The following CFAP206 variants were observed in gnomAD, a reference collection of about 807,000 sequenced individuals.
CFAP206 encodes the protein cilia and flagella associated protein 206, also known as cilia- and flagella-associated protein 206.
CFAP206 carries 53 observed loss-of-function variants against 65.4 expected under a neutral mutation model. That is an observed-to-expected ratio of 0.81 (90% CI 0.65 to 1.02). The LOEUF is 1.02. CFAP206 is among the 50% of genes least tolerant of loss of function. The pLI, the probability that CFAP206 is intolerant of heterozygous loss-of-function variation, is 0.00. For synonymous variants in CFAP206, 250 were observed against 254.4 expected, an observed-to-expected ratio of 0.98 and a Z score of 0.17; for missense variants, 663 against 753.2, an observed-to-expected ratio of 0.88 and a Z score of 1.40.
rs1767832283 is a variant in CFAP206 at position 87,416,543 on chromosome 6, GTAATT to G, written c.473-122_473-118del. The G allele has an allele frequency of 1.2e-5, 9 of 770,352 alleles. No individual in the cohort carries two copies. The East Asian group carries it at 2.4e-4, about 21-fold the overall frequency. The allele number at this position is 770,352 out of a possible 1,614,324, so 47.7% of individuals were successfully genotyped here. A position where few individuals can be genotyped will look rare whatever the true frequency, so the allele number is the denominator to read the frequency against. Reference sequence around the variant, plus strand: ...TTATGTATCCTATAATCAGGTATCAGTAATTTAAAGAATCATATAAGTAACTCAGA... The same window carrying G: ...TTATGTATCCTATAATCAGGTATCAGTAAAGAATCATATAAGTAACTCAGA... On this transcript the variant is annotated intron_variant, in intron 5 of 12. Coordinates refer to ENST00000369562, the MANE Select transcript of CFAP206 (RefSeq NM_001031743.3).
chr6:87,422,665 C>T (rs1392271616), intron 7 of CFAP206, among the ~76,000 whole-genome samples: 1 of 151,094 alleles, frequency 6.6e-6, no homozygotes, highest in South Asian at 2.1e-4. Context: ...GCAGGAGAAT[C>T]GCTTGAACGC....
chr6:87,448,518 A>G (rs747601745), intron 11 of CFAP206, among the ~76,000 whole-genome samples: 2 of 152,150 alleles, frequency 1.3e-5, no homozygotes, highest in Non-Finnish European at 2.9e-5. Context: ...AACATTCAGA[A>G]TCCTCTCCTC....
chr6:87,461,893 G>T (rs1299117192), intron 12 of CFAP206, among the ~76,000 whole-genome samples: 1 of 152,180 alleles, frequency 6.6e-6, no homozygotes, highest in Non-Finnish European at 1.5e-5. Context: ...CTCAAAGCAT[G>T]CAGGGGAGTG....
intron 3 of CFAP206, among the ~76,000 whole-genome samples, chr6:87,412,974 A>G (rs1255167881): frequency 2.0e-5 from 3 of 152,194 alleles, no homozygotes; most frequent in Non-Finnish European, 4.4e-5. Flanking sequence ...AGCTTTTTAT[A>G]AAATAAAATG....
Position 87,461,129 on chromosome 6 carries a change from G to T in CFAP206, c.1602G>T (p.Trp534Cys). Residue 534 changes from tryptophan (W) to cysteine (C), a missense_variant, in exon 12 of 13, where the codon TGG (tryptophan) becomes TGT (cysteine). Trp to Cys is a radical substitution (Grantham distance 215). Coordinates refer to ENST00000369562, the MANE Select transcript of CFAP206 (RefSeq NM_001031743.3). ...LPPTIVRSYEWNEWELRRKAI... is the reference protein window; with the variant it reads ...LPPTIVRSYECNEWELRRKAI... ...CAACGATTGTGAGATCATATGAGTGGAATGAATGGGAATTAAGAAGAAAAG... is the reference window on the plus strand; with the variant it reads ...CAACGATTGTGAGATCATATGAGTGTAATGAATGGGAATTAAGAAGAAAAG... 1 of 1,572,688 alleles carries T rather than the reference G, an allele frequency of 6.4e-7. No homozygotes were observed. Among genetic ancestry groups the T allele is most frequent in the South Asian group, 1.2e-5 (1 of 82,982 alleles).
chr6:87,409,053 A>G (rs1436758257), intron 1 of CFAP206, among the ~76,000 whole-genome samples: 1 of 152,168 alleles, frequency 6.6e-6, no homozygotes, highest in African/African-American at 2.4e-5. Flanking sequence ...ACTCTATTTT[A>G]GATGTGCGGA....
chr6:87,439,084 C>T (rs1768324509), intron 11 of CFAP206, among the ~76,000 whole-genome samples: 1 of 152,088 alleles, frequency 6.6e-6, no homozygotes. Context: ...ATGTAAGTTT[C>T]TTAATGAATT....
chr6:87,414,745 G>T (rs1767794958), intron 4 of CFAP206, among the ~76,000 whole-genome samples: 1 of 152,130 alleles, frequency 6.6e-6, no homozygotes, highest in African/African-American at 2.4e-5. Context: ...CTACTGTATA[G>T]TACAATCATT....
intron 11 of CFAP206, among the ~76,000 whole-genome samples, chr6:87,451,850 C>A (rs966939489): frequency 6.8e-6 from 1 of 148,092 alleles, no homozygotes; most frequent in Non-Finnish European, 1.5e-5. Context: ...CCAGCCTGGG[C>A]GACAGAGCGA....
chr6:87,425,764 G>A (rs1229843701), intron 7 of CFAP206: 3 of 152,242 alleles, frequency 2.0e-5, no homozygotes, highest in Non-Finnish European at 4.4e-5. Context: ...TCCCCCAGAC[G>A]ATAATGAAGT....
chr6:87,411,298 A>AT (rs1204102739), intron 3 of CFAP206, among the ~76,000 whole-genome samples: 2 of 152,306 alleles, frequency 1.3e-5, no homozygotes, highest in South Asian at 2.1e-4. Context: ...GATGTTGAGC[A>AT]TTTTTTTCAT....
At chr6:87,428,950 A>T (rs1768106539) in intron 9 of CFAP206, 126 bp downstream of exon 9, 9 of 971,992 alleles carry the variant, frequency 9.3e-6, no homozygotes, top group Non-Finnish European at 1.4e-5. Context: ...ATTATAAAGT[A>T]CTAATGAGGG....
chr6:87,416,969 CT>C (rs1380378996), intron 6 of CFAP206, 142 bp downstream of exon 6: 21 of 724,712 alleles, frequency 2.9e-5, no homozygotes, highest in Non-Finnish European at 4.4e-5. Context: ...AGAATAACTA[CT>C]GTTTATAATG....
At position 87,408,001 on chromosome 6, in the gene CFAP206, C is replaced by G. The variant is rs1237210071; in HGVS notation, c.-94C>G. ...CATCTCCATGGTTACGCGGCGGTGG[C>G]TGCGAGCGCCCAACTGCTCCGACCG... On this transcript the variant is annotated 5_prime_UTR_variant, in exon 1 of 13. Coordinates refer to ENST00000369562, the MANE Select transcript of CFAP206 (RefSeq NM_001031743.3). 1 of 985,452 alleles carries G rather than the reference C, an allele frequency of 1.0e-6. No homozygotes were observed. Among genetic ancestry groups the G allele is most frequent in the Non-Finnish European group, 1.2e-6 (1 of 830,086 alleles). The allele number at this position is 985,452 out of a possible 1,614,324, so 61.0% of individuals were successfully genotyped here. A position where few individuals can be genotyped will look rare whatever the true frequency, so the allele number is the denominator to read the frequency against.
Position 87,461,144 on chromosome 6 carries a change from A to C in CFAP206, c.1617A>C (p.Leu539Phe). The stretch of plus-strand genomic sequence containing the variant: ...CATATGAGTGGAATGAATGGGAATT[A>C]AGAAGAAAAGCTATAAAATTGGTTT... ...VRSYEWNEWE[L>F]RRKAIKLANL... The change falls in exon 12 of 13, where the codon TTA becomes TTC. Residue 539 changes from leucine (L) to phenylalanine (F), a missense_variant. By Grantham distance (22) the Leu-to-Phe change is conservative (BLOSUM62 0). Transcript: ENST00000369562. The C allele has an allele frequency of 6.4e-7, 1 of 1,562,238 alleles. No homozygotes were observed. The highest frequency in any genetic ancestry group is 8.6e-7 in the Non-Finnish European group (1 of 1,162,272).
chr6:87,414,560 A>C (rs1767792093), intron 4 of CFAP206, among the ~76,000 whole-genome samples: 1 of 152,174 alleles, frequency 6.6e-6, no homozygotes. Flanking sequence ...TTAGACTCCC[A>C]AAGTGCTGGG....
chr6:87,446,906 C>T (rs1768451358), intron 11 of CFAP206, among the ~76,000 whole-genome samples: 1 of 152,224 alleles, frequency 6.6e-6, no homozygotes, highest in Non-Finnish European at 1.5e-5. Context: ...AGAGGTCCTT[C>T]ACTTCCCTTG....
At chr6:87,453,694 A>T (rs1441148090) in intron 11 of CFAP206, among the ~76,000 whole-genome samples, 5 of 152,142 alleles carry the variant, frequency 3.3e-5, no homozygotes, top group Non-Finnish European at 2.9e-5. Context: ...ATAAGATGTT[A>T]CTTGCAAGCC....
At chr6:87,444,504 G>A in intron 11 of CFAP206, 1 of 233,804 alleles carries the variant, frequency 4.3e-6, no homozygotes. Flanking sequence ...ATCCTAGAAG[G>A]CCACCATAAC....
Sources: gnomAD v4.1 joint callset for allele counts (sites outside exome capture counted in the v4.1 genomes callset) on GRCh38, gnomAD v4.1.1 for gene constraint, MANE v1.5 for transcripts, NCBI Gene and HGNC (gene_info 2026-07-23, HGNC 2026-07-21) for gene names.